The following OGT variants were observed in gnomAD, a reference collection of about 807,000 sequenced individuals.
The protein encoded by OGT is UDP-N-acetylglucosamine--peptide N-acetylglucosaminyltransferase 110 kDa subunit.
OGT carries 3 observed loss-of-function variants against 75.8 expected under a neutral mutation model. That is an observed-to-expected ratio of 0.04 (90% CI 0.02 to 0.10). OGT has a LOEUF of 0.10. Among genes scored for constraint, OGT ranks in the 10% least tolerant of loss-of-function variants. The pLI is 1.00. For synonymous variants in OGT, 257 were observed against 289.7 expected, an observed-to-expected ratio of 0.89 and a Z score of 1.15; for missense variants, 260 against 824.4, an observed-to-expected ratio of 0.32 and a Z score of 8.38.
chrX:71,566,525 G>A (rs2040417653), intron 19 of OGT, among the ~76,000 whole-genome samples: 1 of 111,753 alleles, frequency 8.9e-6, no homozygotes, highest in South Asian at 3.7e-4. Flanking sequence ...ATCCGATCTT[G>A]TGAGAACTCA....
rs1419578907 is a variant in OGT at position 71,574,840 on chromosome X, A to G, written c.*1046A>G. On this transcript the variant is annotated 3_prime_UTR_variant, in exon 22 of 22. Coordinates refer to ENST00000373719, the MANE Select transcript of OGT (RefSeq NM_181672.3). ...CCCAGGTAAGTATAAGTATTCAAGT[A>G]TTTGATCAGTAAGTCACAGTTATCT... The G allele has an allele frequency of 1.9e-5, 2 of 107,579 alleles. No individual in the cohort carries two copies. The highest frequency in any genetic ancestry group is 3.8e-5 in the Non-Finnish European group (2 of 52,151). 8.9% of individuals were successfully genotyped at this position (107,579 alleles called of 1,213,427 possible).
chrX:71,550,119 T>A (rs1297986150), intron 5 of OGT, among the ~76,000 whole-genome samples: 1 of 112,183 alleles, frequency 8.9e-6, no homozygotes, highest in Non-Finnish European at 1.9e-5. Flanking sequence ...TTTGGAAAAC[T>A]GGTTAAAAAG....
chrX:71,567,441 G>A (rs1226645605), intron 19 of OGT, 59 bp from the exon 20 acceptor site: 1 of 1,001,580 alleles, frequency 1.0e-6, no homozygotes, highest in Non-Finnish European at 1.3e-6. Context: ...ACCTCTGGGA[G>A]TCTTTGTTGA....
intron 12 of OGT, among the ~76,000 whole-genome samples, chrX:71,558,225 ACGGGTGTGAGCCACCG>A (rs2147684839): frequency 9.0e-6 from 1 of 111,160 alleles, no homozygotes; most frequent in East Asian, 2.8e-4. Flanking sequence ...TGCTGGGATT[ACGGGTGTGAGCCACCG>A]CGCCTGGCCA....
intron 5 of OGT, among the ~76,000 whole-genome samples, chrX:71,551,431 A>G (rs2040303159): frequency 8.9e-6 from 1 of 112,350 alleles, no homozygotes; most frequent in African/African-American, 3.2e-5. Flanking sequence ...CAGGAGTTCG[A>G]GACCAGCCTG....
At chrX:71,541,306 A>G in intron 3 of OGT, among the ~76,000 whole-genome samples, 1 of 110,290 alleles carries the variant, frequency 9.1e-6, no homozygotes, top group East Asian at 2.8e-4. Flanking sequence ...AGAAAACCAT[A>G]TATTTCGATT....
rs745541283 is a variant in OGT at position 71,563,020 on chromosome X, A to G, written c.2148+3A>G. ...CTAATATGTTCCCTCACCTGAAGGT[A>G]GGTATGAAACAGTGCTATGGACGAA... On this transcript the variant is annotated splice_donor_region_variant and intron_variant, in intron 16 of 21. Transcript: ENST00000373719. 2.0e-5 allele frequency: 24 copies of G among 1,203,505 alleles called. No individual in the cohort carries two copies. The highest frequency in any genetic ancestry group is 2.6e-5 in the Non-Finnish European group (23 of 889,789).
chrX:71,572,898 G>A (rs185934598), intron 21 of OGT, among the ~76,000 whole-genome samples: 1 of 112,474 alleles, frequency 8.9e-6, no homozygotes, highest in East Asian at 2.8e-4. Flanking sequence ...AAGGGAAGTA[G>A]AAATCTTTTC....
intron 6 of OGT, among the ~76,000 whole-genome samples, chrX:71,554,858 T>C (rs2040331635): frequency 8.9e-6 from 1 of 112,062 alleles, no homozygotes; most frequent in Non-Finnish European, 1.9e-5. Flanking sequence ...GAAATGATTC[T>C]TTCTTAGACT....
chrX:71,558,810 G>A (rs1364031295), intron 12 of OGT, among the ~76,000 whole-genome samples: 1 of 72,687 alleles, frequency 1.4e-5, no homozygotes, highest in African/African-American at 5.9e-5. Context: ...GTCTTGCTCT[G>A]TTGCCCAGGC....
intron 5 of OGT, among the ~76,000 whole-genome samples, chrX:71,549,510 C>T (rs1284306596): frequency 9.2e-6 from 1 of 108,400 alleles, no homozygotes; most frequent in African/African-American, 3.4e-5. Context: ...CTTTAGGCTG[C>T]GTGCTGTGGC....
chrX:71,569,380 C>T (rs1240779784), intron 21 of OGT, among the ~76,000 whole-genome samples: 2 of 111,785 alleles, frequency 1.8e-5, no homozygotes, highest in African/African-American at 6.5e-5. Context: ...TCACTACGGT[C>T]GGTGTAAGAA....
rs1392143060 is a variant in OGT at position 71,543,764 on chromosome X, GTGTATATATATATA to G, written c.463-801_463-788del. 6.1e-4 allele frequency among the ~76,000 whole-genome samples: 37 copies of G among 61,034 alleles called. No individual in the cohort carries two copies. The South Asian group carries it at 0.037, about 60-fold the overall frequency. 53.0% of individuals were successfully genotyped at this position (61,034 alleles called of 115,157 possible). ...TGTGTGTGTGTGTGTGTGTGTGTGT[GTGTATATATATATA>G]TATATATATATATATTTCCTTTTTT... On this transcript the variant is annotated intron_variant, in intron 3 of 21. Transcript: ENST00000373719.
intron 3 of OGT, among the ~76,000 whole-genome samples, chrX:71,544,128 G>A (rs2040243938): frequency 9.0e-6 from 1 of 110,780 alleles, no homozygotes; most frequent in Non-Finnish European, 1.9e-5. Flanking sequence ...GGGGAGGAGA[G>A]AAAGAAGCTC....
At chrX:71,548,168 T>C in intron 5 of OGT, 145 bp downstream of exon 5, 2 of 560,141 alleles carry the variant, frequency 3.6e-6, no homozygotes, top group Non-Finnish European at 2.7e-6. Flanking sequence ...CAGAGAACAA[T>C]GATTTGACTT....
intron 21 of OGT, among the ~76,000 whole-genome samples, chrX:71,572,177 C>A (rs1260585888): frequency 8.9e-6 from 1 of 111,929 alleles, no homozygotes; most frequent in African/African-American, 3.2e-5. Flanking sequence ...CCCCCAGAGA[C>A]AACCACTGTT....
Position 71,572,914 on chromosome X carries a change from T to C in OGT, c.2967-706T>C, listed in dbSNP as rs555729285. The stretch of plus-strand genomic sequence containing the variant: ...AGGGAAGTAGAAATCTTTTCCCCTG[T>C]GTTTCCTGAAGAATCAATTACTTCT... On this transcript the variant is annotated intron_variant, in intron 21 of 21. Coordinates refer to ENST00000373719, the MANE Select transcript of OGT (RefSeq NM_181672.3). 3.6e-5 allele frequency among the ~76,000 whole-genome samples: 4 copies of C among 112,560 alleles called. No individual in the cohort carries two copies. The South Asian group carries it at 1.5e-3, about 42-fold the overall frequency.
chrX:71,572,435 C>G (rs1487051472), intron 21 of OGT, among the ~76,000 whole-genome samples: 1 of 112,383 alleles, frequency 8.9e-6, no homozygotes, highest in Non-Finnish European at 1.9e-5. Flanking sequence ...TTGAGACCAA[C>G]AGATATGCAC....
chrX:71,560,485 C>T (rs2040375646), intron 14 of OGT, among the ~76,000 whole-genome samples: 1 of 110,283 alleles, frequency 9.1e-6, no homozygotes, highest in Non-Finnish European at 1.9e-5. Context: ...ACTCTATTAG[C>T]CACTTTGACT....
Sources: gnomAD v4.1 joint callset for allele counts (sites outside exome capture counted in the v4.1 genomes callset) on GRCh38, gnomAD v4.1.1 for gene constraint, MANE v1.5 for transcripts, NCBI Gene and HGNC (gene_info 2026-07-23, HGNC 2026-07-21) for gene names.